The following FAM20C variants were observed in gnomAD, a reference collection of about 807,000 sequenced individuals.
The protein encoded by FAM20C is FAM20C golgi associated secretory pathway kinase.
In FAM20C, 40 loss-of-function variants were observed where a neutral mutation model predicts 51.5. The observed-to-expected ratio is 0.78, with a 90% CI of 0.60 to 1.01. FAM20C has a LOEUF of 1.01. FAM20C is among the 50% of genes least tolerant of loss of function. The pLI is 0.00. For missense variants in FAM20C, 861 were observed against 844.7 expected (o/e 1.02, Z -0.24); for synonymous variants, 406 against 380.6 (o/e 1.07, Z -0.78).
Position 256,989 on chromosome 7 carries a change from C to T in FAM20C, c.1364-16C>T, listed in dbSNP as rs1788614150. 2 of 1,536,846 alleles carry T rather than the reference C, an allele frequency of 1.3e-6. No individual in the cohort carries two copies. Among genetic ancestry groups the T allele is most frequent in the Non-Finnish European group, 1.7e-6 (2 of 1,146,824 alleles). On this transcript the variant is annotated splice_polypyrimidine_tract_variant and intron_variant, in intron 7 of 9. Transcript: ENST00000313766. ...GGCTCCCCACGAGCTGTGACACTTTCTGCCTCTCTCCGCAGGAAACATGGA... is the reference window on the plus strand; with the variant it reads ...GGCTCCCCACGAGCTGTGACACTTTTTGCCTCTCTCCGCAGGAAACATGGA...
intron 8 of FAM20C, among the ~76,000 whole-genome samples, chr7:257,786 T>G (rs1562400835): frequency 7.4e-6 from 1 of 134,334 alleles, no homozygotes; most frequent in Non-Finnish European, 1.6e-5. Context: ...CTGCCCGGGG[T>G]GCTGGAGATG....
chr7:213,697 G>A lies in FAM20C; in HGVS notation c.863+4721G>A, dbSNP rs528328486. On this transcript the variant is annotated intron_variant, in intron 3 of 9. Coordinates refer to ENST00000313766, the MANE Select transcript of FAM20C (RefSeq NM_020223.4). ...GGATGTATTCTGGGGAGCAGTTGCC[G>A]GATCACGTGATAACTGCGTTTAACT... Among the ~76,000 whole-genome samples the A allele has an allele frequency of 2.9e-4, 44 of 152,276 alleles. 1 individual carries two copies. Among genetic ancestry groups the A allele is most frequent in the South Asian group, 1.2e-3 (6 of 4,830 alleles).
At chr7:213,079 G>C (rs1786796051) in intron 3 of FAM20C, among the ~76,000 whole-genome samples, 1 of 152,228 alleles carries the variant, frequency 6.6e-6, no homozygotes, top group Non-Finnish European at 1.5e-5. Flanking sequence ...GTAGTCCTTT[G>C]TGAGTGACAC....
At chr7:248,482 G>C (rs1052777968) in intron 5 of FAM20C, 52 bp downstream of exon 5, 81 of 1,410,208 alleles carry the variant, frequency 5.7e-5, no homozygotes, top group Admixed American at 2.0e-5. Flanking sequence ...CTGGCACGGG[G>C]GCCCGCATTC....
Position 257,234 on chromosome 7 carries a change from C to G in FAM20C, c.1445+148C>G. On this transcript the variant is annotated intron_variant, in intron 8 of 9. Transcript: ENST00000313766. ...CAAAGGCCCATCTCAGAGCCAGATG[C>G]AGAGGGCGGCCCCAGGCCCCAACCA... The G allele has an allele frequency of 1.3e-5, 11 of 828,542 alleles. No individual in the cohort carries two copies. In the South Asian group the frequency reaches 1.8e-4, roughly 13 times the overall value. 51.3% of individuals were successfully genotyped at this position (828,542 alleles called of 1,614,324 possible). A position where few individuals can be genotyped will look rare whatever the true frequency, so the allele number is the denominator to read the frequency against.
At chr7:212,914 C>T (rs994564491) in intron 3 of FAM20C, among the ~76,000 whole-genome samples, 4 of 152,236 alleles carry the variant, frequency 2.6e-5, no homozygotes, top group African/African-American at 9.7e-5. Context: ...AGCCCGTTTT[C>T]CGTGACTCCA....
At chr7:207,485 C>A (rs1454941244) in intron 2 of FAM20C, among the ~76,000 whole-genome samples, 2 of 152,058 alleles carry the variant, frequency 1.3e-5, no homozygotes, top group Non-Finnish European at 2.9e-5. Context: ...CTGCCCCTCG[C>A]TCCGAGAGCA....
intron 3 of FAM20C, among the ~76,000 whole-genome samples, chr7:212,606 G>A (rs1486002322): frequency 1.3e-5 from 2 of 152,112 alleles, no homozygotes; most frequent in Non-Finnish European, 2.9e-5. Flanking sequence ...TGTAGGTGAG[G>A]GGCCGGCGGT....
At chr7:244,908 G>A (rs1001148486) in intron 3 of FAM20C, among the ~76,000 whole-genome samples, 2 of 152,132 alleles carry the variant, frequency 1.3e-5, no homozygotes, top group East Asian at 1.9e-4. Flanking sequence ...CATAAGAAAC[G>A]TTCCGGGAAC....
intron 8 of FAM20C, among the ~76,000 whole-genome samples, chr7:257,749 G>C (rs1227149790): frequency 7.3e-6 from 1 of 136,898 alleles, no homozygotes; most frequent in South Asian, 2.3e-4. Context: ...ACTGCCTGGG[G>C]TGCTGGAGAT....
intron 3 of FAM20C, among the ~76,000 whole-genome samples, chr7:243,170 A>G (rs1788010836): frequency 8.3e-5 from 1 of 12,078 alleles, no homozygotes. Flanking sequence ...GACCTGTGCC[A>G]CCCGGGAGAC....
chr7:221,014 G>A (rs1161506435), intron 3 of FAM20C, among the ~76,000 whole-genome samples: 3 of 60,640 alleles, frequency 4.9e-5, no homozygotes, highest in African/African-American at 2.0e-4. Context: ...TGCAGGAGCC[G>A]TTCTTAGCAT....
At position 247,799 on chromosome 7, in the gene FAM20C, C is replaced by T. The variant is rs552091891; in HGVS notation, c.957-516C>T. Among the ~76,000 whole-genome samples, 13 of 152,296 alleles carry T rather than the reference C, an allele frequency of 8.5e-5. No individual in the cohort carries two copies. The East Asian group carries it at 2.1e-3, about 25-fold the overall frequency. On this transcript the variant is annotated intron_variant, in intron 4 of 9. Transcript: ENST00000313766. ...ACAGGTGGAGGGGGAGGGTGCTCCACGCAGAGGCGTGGTCGGGCCTTGGGT... is the reference window on the plus strand; with the variant it reads ...ACAGGTGGAGGGGGAGGGTGCTCCATGCAGAGGCGTGGTCGGGCCTTGGGT...
chr7:257,945 G>GGGCT (rs1562401200), intron 8 of FAM20C, among the ~76,000 whole-genome samples: 2 of 93,054 alleles, frequency 2.1e-5, no homozygotes, highest in Non-Finnish European at 2.1e-5. Context: ...GGAGATGCCC[G>GGGCT]GGGTGGACCC....
At chr7:210,018 C>T (rs573389248) in intron 3 of FAM20C, among the ~76,000 whole-genome samples, 44 of 152,258 alleles carry the variant, frequency 2.9e-4, no homozygotes, top group Admixed American at 3.9e-4. Flanking sequence ...TGCCGGGAGC[C>T]GGTGGATGAG....
chr7:220,731 AC>A (rs1376751488), intron 3 of FAM20C, among the ~76,000 whole-genome samples: 3 of 152,186 alleles, frequency 2.0e-5, no homozygotes, highest in South Asian at 2.1e-4. Context: ...GGAGGGCGGG[AC>A]CCGTGCACAC....
Position 248,366 on chromosome 7 carries a change from G to T in FAM20C, c.1008G>T (p.Met336Ile). Reference protein sequence around the residue: ...VPPVAGRMVNMTKEIRDVTRD... With the variant: ...VPPVAGRMVNITKEIRDVTRD... Reference sequence around the variant, plus strand: ...CCGTGGCCGGCAGGATGGTCAACATGACCAAGGAGATCCGGGACGTCACAC... The same window carrying T: ...CCGTGGCCGGCAGGATGGTCAACATTACCAAGGAGATCCGGGACGTCACAC... Residue 336 changes from methionine (M) to isoleucine (I), a missense_variant, in exon 5 of 10, where the codon ATG (methionine) becomes ATT (isoleucine). Met to Ile is a conservative substitution (Grantham distance 10). Around this residue, in one of 3 missense-constraint regions of FAM20C, gnomAD observed 561 missense variants for 499.8 expected, o/e 1.12. Coordinates refer to ENST00000313766, the MANE Select transcript of FAM20C (RefSeq NM_020223.4). 6.5e-7 allele frequency: 1 copy of T among 1,537,182 alleles called. No individual in the cohort carries two copies. The highest frequency in any genetic ancestry group is 1.2e-5 in the South Asian group (1 of 84,064).
intron 2 of FAM20C, among the ~76,000 whole-genome samples, chr7:200,499 C>T (rs1786079098): frequency 6.6e-6 from 1 of 152,338 alleles, no homozygotes; most frequent in South Asian, 2.1e-4. Flanking sequence ...CTGCTGAGGC[C>T]TGGGGCCACC....
chr7:208,020 C>T (rs923607032), intron 2 of FAM20C, among the ~76,000 whole-genome samples: 14 of 152,352 alleles, frequency 9.2e-5, no homozygotes, highest in Admixed American at 3.3e-4. Context: ...GGAGCTGCCT[C>T]GCATGAGACA....
Sources: gnomAD v4.1 joint callset for allele counts (sites outside exome capture counted in the v4.1 genomes callset) on GRCh38, gnomAD v4.1.1 for gene constraint, gnomAD v4.1.1 regional missense constraint, MANE v1.5 for transcripts, NCBI Gene and HGNC (gene_info 2026-07-23, HGNC 2026-07-21) for gene names.